The following KRAS variants were observed in gnomAD, a reference collection of about 807,000 sequenced individuals.
The protein encoded by KRAS is GTPase KRas.
In KRAS, 1 loss-of-function variant was observed where a neutral mutation model predicts 21.0. That is an observed-to-expected ratio of 0.05 (90% CI 0.02 to 0.23). The LOEUF (loss-of-function observed/expected upper bound fraction) is 0.23. Among genes scored for constraint, KRAS ranks in the 10% least tolerant of loss-of-function variants. KRAS has a pLI of 1.00. For synonymous variants in KRAS, 67 were observed against 72.5 expected (o/e 0.92, Z 0.39); for missense variants, 107 against 221.8 (o/e 0.48, Z 3.29).
chr12:25,208,487 C>T lies in KRAS; in HGVS notation c.*1308G>A. ...CTAGCCAAACCTAGAGATTGTAAAACTTTTTCACTTCATTGTTTAAAAAAA... is the reference window on the plus strand; with the variant it reads ...CTAGCCAAACCTAGAGATTGTAAAATTTTTTCACTTCATTGTTTAAAAAAA... On this transcript the variant is annotated 3_prime_UTR_variant, in exon 5 of 5. Transcript: ENST00000311936. The T allele has an allele frequency of 8.6e-6, 2 of 233,190 alleles. No individual in the cohort carries two copies. Among genetic ancestry groups the T allele is most frequent in the Non-Finnish European group, 1.7e-5 (2 of 117,844 alleles). The allele number at this position is 233,190 out of a possible 1,614,324, so 14.4% of individuals were successfully genotyped here.
chr12:25,243,389 G>T (rs1315083856), intron 2 of KRAS, among the ~76,000 whole-genome samples: 2 of 152,176 alleles, frequency 1.3e-5, no homozygotes, highest in Admixed American at 1.3e-4. Flanking sequence ...GCTTCCCAGA[G>T]TCAAGTCTTC....
intron 2 of KRAS, among the ~76,000 whole-genome samples, chr12:25,228,827 G>A (rs777730498): frequency 3.3e-5 from 5 of 152,202 alleles, no homozygotes; most frequent in Admixed American, 6.5e-5. Context: ...TTGGGAGGCC[G>A]AGGTGGGCGG....
chr12:25,235,996 A>T (rs1951540521), intron 2 of KRAS, among the ~76,000 whole-genome samples: 1 of 152,156 alleles, frequency 6.6e-6, no homozygotes, highest in African/African-American at 2.4e-5. Flanking sequence ...ACAGGAGCTA[A>T]GGCAAGTAAT....
At chr12:25,243,640 T>G (rs1484121564) in intron 2 of KRAS, among the ~76,000 whole-genome samples, 1 of 152,166 alleles carries the variant, frequency 6.6e-6, no homozygotes, top group Non-Finnish European at 1.5e-5. Flanking sequence ...TTCTCAGATT[T>G]TCAGGGAAGA....
intron 2 of KRAS, chr12:25,235,018 T>C (rs780526795): frequency 8.8e-6 from 3 of 341,494 alleles, no homozygotes; most frequent in East Asian, 3.9e-5. Context: ...CCCTTACTTA[T>C]ATGCCAGATA....
At chr12:25,241,092 A>C (rs1164934377) in intron 2 of KRAS, among the ~76,000 whole-genome samples, 1 of 152,222 alleles carries the variant, frequency 6.6e-6, no homozygotes, top group Non-Finnish European at 1.5e-5. Context: ...AAGTAAGCTC[A>C]GTAAGTGTTA....
intron 4 of KRAS, among the ~76,000 whole-genome samples, chr12:25,216,845 C>A (rs1951260987): frequency 6.6e-6 from 1 of 152,020 alleles, no homozygotes; most frequent in African/African-American, 2.4e-5. Context: ...AGTAGGGGCA[C>A]AGAGAAATAC....
At chr12:25,228,031 A>C (rs1332756291) in intron 2 of KRAS, among the ~76,000 whole-genome samples, 2 of 152,126 alleles carry the variant, frequency 1.3e-5, no homozygotes, top group Admixed American at 1.3e-4. Flanking sequence ...AAAGGAATAA[A>C]ATTTCATATA....
chr12:25,226,767 A>C (rs1397998466), intron 3 of KRAS, among the ~76,000 whole-genome samples: 1 of 152,220 alleles, frequency 6.6e-6, no homozygotes, highest in African/African-American at 2.4e-5. Context: ...TGTAATGCCC[A>C]AATTCTTCAA....
At chr12:25,235,495 C>T (rs1359593046) in intron 2 of KRAS, among the ~76,000 whole-genome samples, 3 of 152,200 alleles carry the variant, frequency 2.0e-5, no homozygotes, top group African/African-American at 7.2e-5. Flanking sequence ...CTAGGTGTCA[C>T]ATTCCGTGTC....
intron 4 of KRAS, among the ~76,000 whole-genome samples, chr12:25,221,778 G>A (rs1951328930): frequency 6.6e-6 from 1 of 152,068 alleles, no homozygotes; most frequent in Non-Finnish European, 1.5e-5. Context: ...TTAGGCTCAT[G>A]ATCAAGACCC....
At chr12:25,210,928 A>G (rs1192844991) in intron 4 of KRAS, 1 of 152,190 alleles carries the variant, frequency 6.6e-6, no homozygotes, top group African/African-American at 2.4e-5. Flanking sequence ...CAAGATCCAT[A>G]CACAAGTCAA....
intron 3 of KRAS, among the ~76,000 whole-genome samples, chr12:25,226,327 G>T (rs1212916294): frequency 6.6e-6 from 1 of 151,980 alleles, no homozygotes; most frequent in Non-Finnish European, 1.5e-5. Context: ...TCTAAATTTG[G>T]GGTGAAATTA....
intron 2 of KRAS, among the ~76,000 whole-genome samples, chr12:25,236,700 T>C (rs1407975190): frequency 6.6e-6 from 1 of 151,974 alleles, no homozygotes; most frequent in Admixed American, 6.6e-5. Context: ...CTACGAATTA[T>C]TACAAGAAAT....
Position 25,226,866 on chromosome 12 carries a change from G to C in KRAS, c.290+368C>G, listed in dbSNP as rs148132892. Among the ~76,000 whole-genome samples the C allele has an allele frequency of 3.5e-3, 531 of 152,214 alleles. 4 individuals carry two copies. Among genetic ancestry groups the C allele is most frequent in the African/African-American group, 0.012 (508 of 41,544 alleles). On this transcript the variant is annotated intron_variant, in intron 3 of 4. Transcript: ENST00000311936. ...ATGCTATACACACGATTGCTTTTAA[G>C]ACTGTTAAAGTGACACCATCTCAAA...
At chr12:25,221,646 T>C (rs1951327419) in intron 4 of KRAS, among the ~76,000 whole-genome samples, 1 of 152,074 alleles carries the variant, frequency 6.6e-6, no homozygotes, top group Admixed American at 6.5e-5. Context: ...GCCTAAAACA[T>C]TTACTATCTT....
intron 2 of KRAS, among the ~76,000 whole-genome samples, chr12:25,242,884 T>C (rs1457224761): frequency 6.6e-6 from 1 of 152,174 alleles, no homozygotes; most frequent in Non-Finnish European, 1.5e-5. Flanking sequence ...AGTTACAACC[T>C]CTCAGAGACA....
chr12:25,250,623 CGCGCCCGCG>C, intron 1 of KRAS, 119 bp downstream of exon 1: 2 of 166,906 alleles, frequency 1.2e-5, no homozygotes, highest in Non-Finnish European at 2.6e-5. Flanking sequence ...GCCCCGACCC[CGCGCCCGCG>C]CCCCCCACCC....
At position 25,209,239 on chromosome 12, in the gene KRAS, T is replaced by C. The variant is rs1234587528; in HGVS notation, c.*556A>G. Reference sequence around the variant, plus strand: ...GGAGAGTGACCATGACTAATAGCAGTGGAAAGGAGACAAAACCTTTGTGAA... The same window carrying C: ...GGAGAGTGACCATGACTAATAGCAGCGGAAAGGAGACAAAACCTTTGTGAA... On this transcript the variant is annotated 3_prime_UTR_variant, in exon 5 of 5. Coordinates refer to ENST00000311936, the MANE Select transcript of KRAS (RefSeq NM_004985.5). 2 of 684,540 alleles carry C rather than the reference T, an allele frequency of 2.9e-6. No homozygotes were observed. The highest frequency in any genetic ancestry group is 5.3e-6 in the Non-Finnish European group (2 of 375,958). 42.4% of individuals were successfully genotyped at this position (684,540 alleles called of 1,614,324 possible). A position where few individuals can be genotyped will look rare whatever the true frequency, so the allele number is the denominator to read the frequency against.
Sources: gnomAD v4.1 joint callset for allele counts (sites outside exome capture counted in the v4.1 genomes callset) on GRCh38, gnomAD v4.1.1 for gene constraint, MANE v1.5 for transcripts, NCBI Gene and HGNC (gene_info 2026-07-23, HGNC 2026-07-21) for gene names.